OPTN: variants seen among roughly 807,000 people sequenced by gnomAD.
OPTN encodes the protein optineurin.
OPTN carries 54 observed loss-of-function variants against 70.4 expected under a neutral mutation model. The observed-to-expected ratio is 0.77, with a 90% CI of 0.62 to 0.96. The LOEUF is 0.96. OPTN is among the 40% of genes least tolerant of loss of function. OPTN has a pLI of 0.00. For missense variants in OPTN, 624 were observed against 673.2 expected (o/e 0.93, Z 0.81); for synonymous variants, 256 against 248.5 (o/e 1.03, Z -0.28).
chr10:13,134,851 C>A (rs1833667006), intron 14 of OPTN, among the ~76,000 whole-genome samples: 1 of 152,344 alleles, frequency 6.6e-6, no homozygotes, highest in African/African-American at 2.4e-5. Flanking sequence ...TTCTCAGAAG[C>A]AGAGGCAATG....
In OPTN at chr10:13,116,209, C is replaced by T. The variant is rs574659797; in HGVS notation, c.553-58C>T. On this transcript the variant is annotated intron_variant, in intron 5 of 14. Transcript: ENST00000378747. ...ATCTTTTGTCTTTTTCTTCTTTTGA[C>T]AAAGAATTTGTCTTGTAGACATATT... 8.3e-5 allele frequency: 97 copies of T among 1,165,988 alleles called. No homozygotes were observed. The South Asian group carries it at 1.2e-3, about 14-fold the overall frequency. 72.2% of individuals were successfully genotyped at this position (1,165,988 alleles called of 1,614,324 possible).
intron 1 of OPTN, among the ~76,000 whole-genome samples, chr10:13,101,950 A>G (rs923691070): frequency 1.3e-4 from 20 of 152,230 alleles, no homozygotes; most frequent in Admixed American, 3.3e-4. Flanking sequence ...CATTTACTGC[A>G]AGCCTGCTAT....
At chr10:13,111,501 C>T (rs12261315) in intron 4 of OPTN, among the ~76,000 whole-genome samples, 5 of 151,462 alleles carry the variant, frequency 3.3e-5, no homozygotes, top group Admixed American at 6.6e-5. Context: ...AGTTCGAGAC[C>T]AGCCTGGCCA....
intron 1 of OPTN, chr10:13,104,871 C>G (rs1227446229): frequency 3.1e-6 from 1 of 319,106 alleles, no homozygotes; most frequent in Non-Finnish European, 5.9e-6. Flanking sequence ...TGGGGGTGAC[C>G]AGGGGCCCGA....
intron 1 of OPTN, among the ~76,000 whole-genome samples, chr10:13,101,616 CT>C (rs201675245): frequency 2.6e-5 from 4 of 151,844 alleles, no homozygotes; most frequent in Admixed American, 1.3e-4. Context: ...AAAAATTAAA[CT>C]TTTTTTTAAA....
chr10:13,120,812 G>A (rs1272667167), intron 7 of OPTN, among the ~76,000 whole-genome samples: 3 of 152,054 alleles, frequency 2.0e-5, no homozygotes, highest in African/African-American at 4.8e-5. Context: ...ATGAAGAACC[G>A]CCTGAGACTG....
rs780122817 is a variant in OPTN, at chr10:13,122,404, A to G, written c.799A>G (p.Lys267Glu). 8 of 1,613,572 alleles carry G rather than the reference A, an allele frequency of 5.0e-6. No homozygotes were observed. In the African/African-American group the frequency reaches 6.7e-5, roughly 13 times the overall value. Reference sequence around the variant, plus strand: ...TTCCAGAGTTTCAGATTTTGAAAAGAAAACAAGTAATCGTTCTGAGATTGA... The same window carrying G: ...TTCCAGAGTTTCAGATTTTGAAAAGGAAACAAGTAATCGTTCTGAGATTGA... ...AKERVSDFEK[K>E]TSNRSEIETQ... Residue 267 changes from lysine to glutamate, a missense_variant, in exon 8 of 15, where the codon AAA (lysine) becomes GAA (glutamate). Coordinates refer to ENST00000378747, the MANE Select transcript of OPTN (RefSeq NM_001008212.2).
chr10:13,134,518 C>T (rs929808783), intron 14 of OPTN, among the ~76,000 whole-genome samples: 22 of 152,156 alleles, frequency 1.4e-4, no homozygotes, highest in South Asian at 4.1e-4. Flanking sequence ...CTGCAACCTC[C>T]GCCTCCCGGG....
Position 13,136,891 on chromosome 10 carries a change from A to G in OPTN, c.*25A>G, listed in dbSNP as rs1343647285. ...AGTGTTGATGTATCACCTCCCCAAA[A>G]CTGTTGGTAAATGTCAGATTTTTTC... On this transcript the variant is annotated 3_prime_UTR_variant, in exon 15 of 15. Transcript: ENST00000378747. 6.2e-7 allele frequency: 1 copy of G among 1,613,846 alleles called. No individual in the cohort carries two copies. The highest frequency in any genetic ancestry group is 8.5e-7 in the Non-Finnish European group (1 of 1,179,872).
At position 13,127,796 on chromosome 10, in the gene OPTN, C is replaced by T; in HGVS notation, c.1294C>T (p.Leu432=). 1 of 1,614,122 alleles carries T rather than the reference C, an allele frequency of 6.2e-7. No homozygotes were observed. Among genetic ancestry groups the T allele is most frequent in the South Asian group, 1.1e-5 (1 of 91,090 alleles). Residue 432 remains leucine, a synonymous_variant, in exon 12 of 15, where the codon CTG becomes TTG. Coordinates refer to ENST00000378747, the MANE Select transcript of OPTN (RefSeq NM_001008212.2). ...VLKELSEKLE[L]AEKALASKQL... ...GAAGGAACTGAGTGAAAAACTGGAA[C>T]TGGCAGAGAAGGCTCTGGCTTCCAA... is the stretch of plus-strand genomic sequence containing the variant.
intron 9 of OPTN, 55 bp downstream of exon 9, chr10:13,124,165 A>G: frequency 1.0e-6 from 1 of 959,734 alleles, no homozygotes; most frequent in East Asian, 2.6e-5. Context: ...TTTACAAAGT[A>G]TACTACTATA....
intron 4 of OPTN, 25 bp downstream of exon 4, chr10:13,110,501 G>A: frequency 6.6e-7 from 1 of 1,505,452 alleles, no homozygotes; most frequent in Non-Finnish European, 8.9e-7. Flanking sequence ...CCATTGTGAT[G>A]TTGTTTTTTT....
chr10:13,128,066 G>A (rs1163966655), intron 12 of OPTN, among the ~76,000 whole-genome samples, 163 bp downstream of exon 12: 1 of 152,224 alleles, frequency 6.6e-6, no homozygotes, highest in East Asian at 1.9e-4. Context: ...AAAGTGCTCA[G>A]TGGATCTTAT....
intron 5 of OPTN, among the ~76,000 whole-genome samples, chr10:13,112,887 G>C (rs2131489650): frequency 6.6e-6 from 1 of 151,598 alleles, no homozygotes; most frequent in South Asian, 2.1e-4. Context: ...TCATGTCCTG[G>C]CAAATTGAAC....
intron 14 of OPTN, among the ~76,000 whole-genome samples, chr10:13,135,170 G>C (rs1160685855): frequency 1.3e-5 from 2 of 152,148 alleles, no homozygotes; most frequent in African/African-American, 2.4e-5. Context: ...CCAAAGTCTA[G>C]GCTGAGTCCA....
In OPTN at chr10:13,110,422, G is replaced by C; in HGVS notation, c.315G>C (p.Glu105Asp). ...TAATGGCCTTGAGTCATGAGAATGAGAAATTGAAGGAAGAGCTTGGAAAAC... is the reference window on the plus strand; with the variant it reads ...TAATGGCCTTGAGTCATGAGAATGACAAATTGAAGGAAGAGCTTGGAAAAC... ...ERLMALSHEN[E>D]KLKEELGKLK... The change falls in exon 4 of 15, where the codon GAG (glutamate) becomes GAC (aspartate). Residue 105 changes from glutamate to aspartate, a missense_variant. Physicochemically the swap from Glu to Asp is conservative, Grantham distance 45. Coordinates refer to ENST00000378747, the MANE Select transcript of OPTN (RefSeq NM_001008212.2). 1 of 1,614,058 alleles carries C rather than the reference G, an allele frequency of 6.2e-7. No individual in the cohort carries two copies. Among genetic ancestry groups the C allele is most frequent in the Non-Finnish European group, 8.5e-7 (1 of 1,180,008 alleles).
chr10:13,122,486 CTG>C lies in OPTN; in HGVS notation c.882+2_882+3del. The C allele has an allele frequency of 6.2e-7, 1 of 1,607,506 alleles. No individual in the cohort carries two copies. The highest frequency in any genetic ancestry group is 8.5e-7 in the Non-Finnish European group (1 of 1,173,982). ...AATGATGAAGAGAAAGGCCCGGAGACTGTGAGTCCTAAGATTCCACGGCCACT... is the reference window on the plus strand; with the variant it reads ...AATGATGAAGAGAAAGGCCCGGAGACTGAGTCCTAAGATTCCACGGCCACT... On this transcript the variant is annotated splice_donor_variant and coding_sequence_variant, in exon 8 of 15. Transcript: ENST00000378747. LOFTEE classifies it high-confidence loss of function.
At chr10:13,116,221 C>T (rs1241141142) in intron 5 of OPTN, 46 bp from the exon 6 acceptor site, 8 of 1,229,274 alleles carry the variant, frequency 6.5e-6, no homozygotes, top group Non-Finnish European at 8.4e-6. Context: ...AAGAATTTGT[C>T]TTGTAGACAT....
chr10:13,125,003 T>C (rs1833427726), intron 9 of OPTN, among the ~76,000 whole-genome samples: 1 of 152,244 alleles, frequency 6.6e-6, no homozygotes, highest in African/African-American at 2.4e-5. Context: ...ACTTCCTTTT[T>C]CCCTTATTGA....
Sources: gnomAD v4.1 joint callset for allele counts (sites outside exome capture counted in the v4.1 genomes callset) on GRCh38, gnomAD v4.1.1 for gene constraint, MANE v1.5 for transcripts, NCBI Gene and HGNC (gene_info 2026-07-23, HGNC 2026-07-21) for gene names.